Variants in PLCB1 observed in about 807,000 individuals in gnomAD.
PLCB1 encodes the protein phospholipase C beta 1.
A neutral mutation model predicts 161.8 loss-of-function variants in PLCB1; 46 were observed. The observed-to-expected ratio is 0.28, with a 90% CI of 0.22 to 0.36. The LOEUF (loss-of-function observed/expected upper bound fraction) is 0.36. Ranked by LOEUF, PLCB1 falls within the 10% of genes least tolerant of loss-of-function variation. PLCB1 has a pLI of 1.00. For missense variants in PLCB1, 1,016 were observed against 1,472.5 expected (o/e 0.69, Z 5.07); for synonymous variants, 517 against 503.7 (o/e 1.03, Z -0.35).
chr20:8,413,181 A>G (rs1212419564), intron 3 of PLCB1, among the ~76,000 whole-genome samples: 1 of 152,152 alleles, frequency 6.6e-6, no homozygotes, highest in African/African-American at 2.4e-5. Context: ...TTTGATTTCT[A>G]ATAATTTGCA....
Position 8,774,554 on chromosome 20 carries a change from C to T in PLCB1, c.2946C>T (p.Ser982=), listed in dbSNP as rs369387650. The change falls in exon 27 of 32, where the codon AGC becomes AGT. Residue 982 remains serine, a synonymous_variant. Transcript: ENST00000338037. ...KDSKKKSEPS[S]PDHGSSTIEQ... is the part of the protein sequence containing the mutation. The stretch of plus-strand genomic sequence containing the variant: ...GTCTTTGCAGATCGGAACCCAGCAG[C>T]CCTGATCATGGTTCATCAACGATTG... The T allele has an allele frequency of 2.6e-5, 42 of 1,611,574 alleles. No homozygotes were observed. The highest frequency in any genetic ancestry group is 3.3e-5 in the Non-Finnish European group (39 of 1,178,294).
rs573881033 is a variant in PLCB1 at position 8,438,137 on chromosome 20, G to A, written c.246+66687G>A. Among the ~76,000 whole-genome samples the A allele has an allele frequency of 7.9e-5, 12 of 151,238 alleles. No homozygotes were observed. In the East Asian group the frequency reaches 2.3e-3, roughly 29 times the overall value. On this transcript the variant is annotated intron_variant, in intron 3 of 31. Transcript: ENST00000338037. ...GATAATTTCATAAATGTTTATTTTT[G>A]CTAGTTAAGCATCTGATATAAATGA...
At chr20:8,583,852 C>A (rs1051173122) in intron 3 of PLCB1, among the ~76,000 whole-genome samples, 2 of 152,136 alleles carry the variant, frequency 1.3e-5, no homozygotes, top group Non-Finnish European at 2.9e-5. Flanking sequence ...CGGTTTACAG[C>A]TGAATTCTAC....
At chr20:8,422,298 T>C (rs1433716245) in intron 3 of PLCB1, among the ~76,000 whole-genome samples, 1 of 152,210 alleles carries the variant, frequency 6.6e-6, no homozygotes, top group Non-Finnish European at 1.5e-5. Context: ...AAGTCCAGAA[T>C]TGCAGCTTGG....
intron 2 of PLCB1, among the ~76,000 whole-genome samples, chr20:8,343,047 C>T (rs1600329896): frequency 6.6e-6 from 1 of 152,182 alleles, no homozygotes; most frequent in African/African-American, 2.4e-5. Flanking sequence ...AACATTCCTC[C>T]AGTCTGCACC....
chr20:8,192,723 C>A (rs2051982546), intron 2 of PLCB1, among the ~76,000 whole-genome samples: 1 of 151,614 alleles, frequency 6.6e-6, no homozygotes. Context: ...ACAAATAGAG[C>A]AGACTTAAGG....
chr20:8,497,510 A>G (rs1004613721), intron 3 of PLCB1, among the ~76,000 whole-genome samples: 3 of 152,198 alleles, frequency 2.0e-5, no homozygotes, highest in African/African-American at 7.2e-5. Flanking sequence ...GGCACTTTCT[A>G]AAAACCAGAC....
intron 2 of PLCB1, among the ~76,000 whole-genome samples, chr20:8,321,270 CAT>C (rs1255376671): frequency 1.3e-5 from 2 of 152,150 alleles, no homozygotes; most frequent in Admixed American, 1.3e-4. Flanking sequence ...AATGTAAACA[CAT>C]GTGAGAAAAA....
At chr20:8,868,049 T>G (rs1220999144) in intron 31 of PLCB1, among the ~76,000 whole-genome samples, 1 of 152,236 alleles carries the variant, frequency 6.6e-6, no homozygotes, top group Non-Finnish European at 1.5e-5. Flanking sequence ...CCAAGAGATT[T>G]TTTTCTTTTT....
At chr20:8,459,389 G>T (rs2122679639) in intron 3 of PLCB1, among the ~76,000 whole-genome samples, 1 of 152,210 alleles carries the variant, frequency 6.6e-6, no homozygotes, top group Non-Finnish European at 1.5e-5. Context: ...TTTACATTTA[G>T]ATCTTTTATA....
chr20:8,816,843 T>A (rs1290818094), intron 31 of PLCB1, among the ~76,000 whole-genome samples: 1 of 152,234 alleles, frequency 6.6e-6, no homozygotes, highest in Non-Finnish European at 1.5e-5. Flanking sequence ...AATCCATTAG[T>A]GATAAAAGTT....
chr20:8,465,029 T>A (rs1469677739), intron 3 of PLCB1, among the ~76,000 whole-genome samples: 1 of 152,346 alleles, frequency 6.6e-6, no homozygotes, highest in Non-Finnish European at 1.5e-5. Context: ...TATTATCATC[T>A]TCTTATTTAT....
chr20:8,174,456 T>C (rs2051762659), intron 2 of PLCB1, among the ~76,000 whole-genome samples: 1 of 152,098 alleles, frequency 6.6e-6, no homozygotes, highest in African/African-American at 2.4e-5. Flanking sequence ...CCCATTAAGA[T>C]TGACTAATGG....
chr20:8,293,907 C>T (rs920444100), intron 2 of PLCB1, among the ~76,000 whole-genome samples: 11 of 152,006 alleles, frequency 7.2e-5, no homozygotes, highest in African/African-American at 1.9e-4. Flanking sequence ...AGAGAAAGGG[C>T]GGGTCTGTGG....
rs1360745244 is a variant in PLCB1 at position 8,330,597 on chromosome 20, A to G, written c.178-40785A>G. On this transcript the variant is annotated intron_variant, in intron 2 of 31. Transcript: ENST00000338037. ...AATTCTGATGAATGCATGTCAGGCT[A>G]TGGAGCTTTCTTGTTTCTGAAGAAG... Among the ~76,000 whole-genome samples, 6 of 152,334 alleles carry G rather than the reference A, an allele frequency of 3.9e-5. No individual in the cohort carries two copies. In the South Asian group the frequency reaches 8.3e-4, roughly 21 times the overall value.
intron 3 of PLCB1, among the ~76,000 whole-genome samples, chr20:8,571,092 G>T (rs1414142635): frequency 1.3e-5 from 2 of 152,232 alleles, no homozygotes; most frequent in Non-Finnish European, 2.9e-5. Flanking sequence ...GGAGACAATG[G>T]TTGGAATTTG....
intron 3 of PLCB1, among the ~76,000 whole-genome samples, chr20:8,576,355 A>T (rs1226359685): frequency 6.6e-6 from 1 of 152,182 alleles, no homozygotes; most frequent in Non-Finnish European, 1.5e-5. Context: ...GGGATGAACA[A>T]ACTGTAAAGC....
Position 8,802,323 on chromosome 20 carries a change from A to G in PLCB1, c.3423+12062A>G, listed in dbSNP as rs894352190. On this transcript the variant is annotated intron_variant, in intron 31 of 31. Coordinates refer to ENST00000338037, the MANE Select transcript of PLCB1 (RefSeq NM_015192.4). Reference sequence around the variant, plus strand: ...TCTGCTAAAGTTCCCAGCCACACCCATGATCATTTCCTCATCCTTTCTGCC... The same window carrying G: ...TCTGCTAAAGTTCCCAGCCACACCCGTGATCATTTCCTCATCCTTTCTGCC... 5.3e-6 allele frequency: 3 copies of G among 561,146 alleles called. No individual in the cohort carries two copies. The African/African-American group carries it at 5.7e-5, about 11-fold the overall frequency. The allele number at this position is 561,146 out of a possible 1,614,324, so 34.8% of individuals were successfully genotyped here.
At chr20:8,671,680 G>T (rs6140680) in intron 9 of PLCB1, among the ~76,000 whole-genome samples, 14,017 of 152,154 alleles carry the variant, frequency 0.092, 759 homozygotes, top group African/African-American at 0.15. Flanking sequence ...TTATTTTTAG[G>T]ACCAATGCAG....
Sources: allele counts gnomAD v4.1 joint callset (sites outside exome capture counted in the v4.1 genomes callset), GRCh38; gene constraint gnomAD v4.1.1; transcripts MANE v1.5; gene names NCBI Gene and HGNC (gene_info 2026-07-23, HGNC 2026-07-21).